DCAF6: variants seen among roughly 807,000 people sequenced by gnomAD.
The protein encoded by DCAF6 is DDB1 and CUL4 associated factor 6, also known as DDB1- and CUL4-associated factor 6.
Under a neutral mutation model 125.1 loss-of-function variants are expected in DCAF6, and 54 were observed. The ratio of observed to expected loss-of-function variants is 0.43; its 90% CI spans 0.35 to 0.54. DCAF6 has a LOEUF of 0.54. DCAF6 is among the 20% of genes least tolerant of loss of function. DCAF6 has a pLI of 0.01. For missense variants in DCAF6, 934 were observed against 1,161.7 expected, an observed-to-expected ratio of 0.80 and a Z score of 2.85; for synonymous variants, 371 against 390.4, an observed-to-expected ratio of 0.95 and a Z score of 0.58.
At chr1:167,901,584 C>T in the DCAF6 span, 3 of 1,439,834 alleles carry the variant, frequency 2.1e-6, no homozygotes, top group South Asian at 1.1e-5. Flanking sequence ...TACTACTTCT[C>T]TTTGGGAGAG....
intron 6 of DCAF6, among the ~76,000 whole-genome samples, chr1:167,992,290 G>C (rs954838226): frequency 9.0e-6 from 1 of 111,566 alleles, no homozygotes; most frequent in Non-Finnish European, 2.1e-5. Context: ...CACAAACACC[G>C]AATGCACATT....
At chr1:167,878,666 G>A in the DCAF6 span, 14 of 1,601,676 alleles carry the variant, frequency 8.7e-6, no homozygotes, top group African/African-American at 1.7e-4. Context: ...TCAAAGATCA[G>A]GGAAATAACA....
chr1:168,044,708 A>G (rs1378825900), intron 15 of DCAF6, 37 bp downstream of exon 15: 1 of 1,537,914 alleles, frequency 6.5e-7, no homozygotes, highest in Non-Finnish European at 9.0e-7. Flanking sequence ...TTTGTATGGG[A>G]AAATAAAAAG....
intron 1 of DCAF6, among the ~76,000 whole-genome samples, chr1:167,948,218 C>A (rs1363572010): frequency 2.7e-5 from 4 of 150,112 alleles, no homozygotes; most frequent in African/African-American, 9.8e-5. Flanking sequence ...TTCAGACAGT[C>A]TGATTATAAT....
chr1:167,865,610 G>T, the DCAF6 span, among the ~76,000 whole-genome samples: 1 of 152,138 alleles, frequency 6.6e-6, no homozygotes, highest in African/African-American at 2.4e-5. Flanking sequence ...ATGGTGTTTA[G>T]CTTTCTTTGG....
Position 167,994,581 on chromosome 1 carries a change from G to A in DCAF6, c.903+1141G>A, listed in dbSNP as rs1253338033. Among the ~76,000 whole-genome samples, 12 of 152,248 alleles carry A rather than the reference G, an allele frequency of 7.9e-5. No homozygotes were observed. In the East Asian group the frequency reaches 2.3e-3, roughly 29 times the overall value. ...AGTAGTTGTATATATTGAAAAGTAG[G>A]TGAATGAATTACTTTCACAAGACTA... On this transcript the variant is annotated intron_variant, in intron 7 of 21. Coordinates refer to ENST00000367840, the MANE Select transcript of DCAF6 (RefSeq NM_001198956.2).
intron 4 of DCAF6, among the ~76,000 whole-genome samples, chr1:167,975,696 C>T (rs1390931963): frequency 1.3e-5 from 2 of 152,126 alleles, no homozygotes; most frequent in South Asian, 4.1e-4. Flanking sequence ...CAGGCATGTG[C>T]CACCATGCCC....
At chr1:167,936,575 T>G (rs1032248324), upstream of DCAF6, 21 of 296,488 alleles carry the variant, frequency 7.1e-5, no homozygotes, top group African/African-American at 4.6e-4. Flanking sequence ...CGAGAAAGGG[T>G]TGGCGGGGAG....
At chr1:167,957,301 TC>T (rs532173594) in intron 2 of DCAF6, among the ~76,000 whole-genome samples, 72 of 152,272 alleles carry the variant, frequency 4.7e-4, no homozygotes, top group African/African-American at 1.7e-3. Context: ...ACTAATACTT[TC>T]TGTCTCTACC....
intron 4 of DCAF6, among the ~76,000 whole-genome samples, chr1:167,976,123 A>G (rs758358225): frequency 6.6e-6 from 1 of 152,022 alleles, no homozygotes; most frequent in Non-Finnish European, 1.5e-5. Context: ...TTTGTTTTCT[A>G]CTTTTTAAAA....
intron 3 of DCAF6, among the ~76,000 whole-genome samples, chr1:167,970,637 T>A (rs1048935736): frequency 2.8e-4 from 41 of 148,708 alleles, no homozygotes; most frequent in African/African-American, 9.3e-4. Flanking sequence ...AAAAAAAAAA[T>A]TATTATCATA....
intron 17 of DCAF6, among the ~76,000 whole-genome samples, chr1:168,060,701 G>A (rs1476100023): frequency 6.6e-6 from 1 of 152,080 alleles, no homozygotes; most frequent in African/African-American, 2.4e-5. Flanking sequence ...AGACCAGCCT[G>A]GTCAATATGG....
At chr1:167,867,698 C>T in the DCAF6 span, among the ~76,000 whole-genome samples, 1 of 151,700 alleles carries the variant, frequency 6.6e-6, no homozygotes, top group African/African-American at 2.4e-5. Context: ...GAGGGATCCC[C>T]AAGCATGTAA....
chr1:167,978,663 AGTG>A (rs1426480609), intron 4 of DCAF6, among the ~76,000 whole-genome samples: 1 of 151,870 alleles, frequency 6.6e-6, no homozygotes, highest in Non-Finnish European at 1.5e-5. Flanking sequence ...TCACTCTCCT[AGTG>A]GTGGGGGAGG....
the DCAF6 span, chr1:167,902,116 A>C: frequency 4.7e-6 from 7 of 1,484,370 alleles, no homozygotes; most frequent in South Asian, 6.8e-5. Context: ...AAAAAACATC[A>C]TTCTTTCTTA....
chr1:167,896,625 T>C, the DCAF6 span: 2 of 1,613,670 alleles, frequency 1.2e-6, no homozygotes, highest in Non-Finnish European at 1.7e-6. Context: ...TAATAATGCA[T>C]GAAGGTCGTA....
upstream of DCAF6, among the ~76,000 whole-genome samples, chr1:167,933,784 G>T (rs1670982400): frequency 6.6e-6 from 1 of 152,070 alleles, no homozygotes; most frequent in Non-Finnish European, 1.5e-5. Flanking sequence ...TTCTACACTG[G>T]TGTGCCTCCA....
At chr1:167,958,990 A>G (rs1274416092) in intron 2 of DCAF6, among the ~76,000 whole-genome samples, 3 of 152,214 alleles carry the variant, frequency 2.0e-5, no homozygotes, top group African/African-American at 4.8e-5. Context: ...TTATAGTATC[A>G]TGTGGAGTTG....
intron 10 of DCAF6, among the ~76,000 whole-genome samples, chr1:168,011,822 A>G (rs1684326618): frequency 6.6e-6 from 1 of 151,996 alleles, no homozygotes; most frequent in South Asian, 2.1e-4. Flanking sequence ...TACCAAAATA[A>G]ATTTGTTGTG....
Sources: gnomAD v4.1 joint callset for allele counts (sites outside exome capture counted in the v4.1 genomes callset) on GRCh38, gnomAD v4.1.1 for gene constraint, MANE v1.5 for transcripts, NCBI Gene and HGNC (gene_info 2026-07-23, HGNC 2026-07-21) for gene names.